The following COL8A1 variants were observed in gnomAD, a reference collection of about 807,000 sequenced individuals.
The protein encoded by COL8A1 is collagen type VIII alpha 1 chain.
In COL8A1, 21 loss-of-function variants were observed where a neutral mutation model predicts 42.7. That is an observed-to-expected ratio of 0.49 (90% CI 0.35 to 0.71). The LOEUF (loss-of-function observed/expected upper bound fraction) is 0.71. Ranked by LOEUF, COL8A1 falls within the 30% of genes least tolerant of loss-of-function variation. COL8A1 has a pLI of 0.01. For missense variants in COL8A1, 788 were observed against 962.4 expected (o/e 0.82, Z 2.40); for synonymous variants, 367 against 369.1 (o/e 0.99, Z 0.06).
intron 1 of COL8A1, among the ~76,000 whole-genome samples, chr3:99,709,179 C>T (rs1176855267): frequency 1.3e-5 from 2 of 152,168 alleles, no homozygotes; most frequent in Non-Finnish European, 2.9e-5. Flanking sequence ...CTCAAGGCAG[C>T]CTTCCCTGAC....
chr3:99,794,998 G>A lies in COL8A1; in HGVS notation c.1097G>A (p.Gly366Asp). The A allele has an allele frequency of 2.5e-6, 4 of 1,607,024 alleles. No homozygotes were observed. Among genetic ancestry groups the A allele is most frequent in the South Asian group, 2.2e-5 (2 of 90,334 alleles). Residue 366 changes from glycine (G) to aspartate (D), a missense_variant, in exon 4 of 4, where the codon GGT becomes GAT. Physicochemically the swap from Gly to Asp is moderately conservative, Grantham distance 94. Transcript: ENST00000652472. This position sits in a 1 kb window ranked among gnomAD's most constrained non-coding sequence, Gnocchi z 4.3. ...CCCAAAGGTGACCGGGGCATGGGAG[G>A]TGTTCCTGGGGCTCTTGGACCAAGA... ...PGPKGDRGMG[G>D]VPGALGPRGE...
chr3:99,655,007 T>C (rs1387720624), intron 1 of COL8A1, among the ~76,000 whole-genome samples: 1 of 152,170 alleles, frequency 6.6e-6, no homozygotes, highest in Non-Finnish European at 1.5e-5. Context: ...CCAAGCCCTG[T>C]GCTAGATGCC....
chr3:99,704,557 T>C (rs1939627118), intron 1 of COL8A1, among the ~76,000 whole-genome samples: 1 of 152,132 alleles, frequency 6.6e-6, no homozygotes, highest in African/African-American at 2.4e-5. Context: ...GTAGTTAATA[T>C]CAGGGTCGAA....
chr3:99,764,701 C>CTTTTTTTTTTTTTTTTTTT (rs10648559), intron 2 of COL8A1, among the ~76,000 whole-genome samples: 61 of 125,032 alleles, frequency 4.9e-4, no homozygotes, highest in Non-Finnish European at 5.8e-4. Flanking sequence ...TCTTTTTTTT[C>CTTTTTTTTTTTTTTTTTTT]TTTTTTTTTT....
intron 1 of COL8A1, among the ~76,000 whole-genome samples, chr3:99,682,838 CA>C (rs2107324689): frequency 6.9e-6 from 1 of 144,400 alleles, no homozygotes; most frequent in East Asian, 2.1e-4. Flanking sequence ...ATAACAACCA[CA>C]CAGCATTGTT....
intron 1 of COL8A1, among the ~76,000 whole-genome samples, chr3:99,662,546 G>C (rs572324665): frequency 6.6e-6 from 1 of 152,242 alleles, no homozygotes; most frequent in South Asian, 2.1e-4. Flanking sequence ...GGATATATTT[G>C]ATCTATCTTT....
intron 1 of COL8A1, among the ~76,000 whole-genome samples, chr3:99,694,664 T>A (rs556523106): frequency 3.3e-5 from 5 of 152,342 alleles, no homozygotes; most frequent in African/African-American, 1.2e-4. Flanking sequence ...TCAATTATCT[T>A]CCTCATTCTT....
intron 2 of COL8A1, among the ~76,000 whole-genome samples, chr3:99,770,965 G>A (rs560930309): frequency 2.6e-5 from 4 of 152,182 alleles, no homozygotes; most frequent in Non-Finnish European, 4.4e-5. Context: ...TGTCTGAGGG[G>A]ACAGCATTTC....
At chr3:99,711,621 C>T (rs1421914471) in intron 1 of COL8A1, among the ~76,000 whole-genome samples, 6 of 152,004 alleles carry the variant, frequency 3.9e-5, no homozygotes, top group Admixed American at 3.9e-4. Context: ...AGTGGGGCCT[C>T]GACTGATAAA....
chr3:99,724,675 C>A (rs1354004248), intron 1 of COL8A1, among the ~76,000 whole-genome samples: 1 of 152,054 alleles, frequency 6.6e-6, no homozygotes, highest in Non-Finnish European at 1.5e-5. Context: ...TAAGTCAATC[C>A]ACATTTCTTA....
chr3:99,782,847 T>A (rs954592937), intron 2 of COL8A1, among the ~76,000 whole-genome samples: 4 of 152,184 alleles, frequency 2.6e-5, no homozygotes, highest in African/African-American at 7.2e-5. Flanking sequence ...CTTACTTGGG[T>A]CCGAACTAAA....
At chr3:99,714,403 A>G (rs1395892788) in intron 1 of COL8A1, among the ~76,000 whole-genome samples, 1 of 152,118 alleles carries the variant, frequency 6.6e-6, no homozygotes, top group East Asian at 1.9e-4. Flanking sequence ...TATCCCATAA[A>G]GTTCCCAGAT....
At chr3:99,734,193 C>T (rs1014311079) in intron 1 of COL8A1, among the ~76,000 whole-genome samples, 8 of 146,120 alleles carry the variant, frequency 5.5e-5, no homozygotes, top group Admixed American at 3.3e-4. Flanking sequence ...GTTGCCATTG[C>T]TTTTGGTGTT....
In COL8A1 at chr3:99,763,294, T is replaced by A. The variant is rs370738053; in HGVS notation, c.-4+18273T>A. On this transcript the variant is annotated intron_variant, in intron 2 of 3. Coordinates refer to ENST00000652472, the MANE Select transcript of COL8A1 (RefSeq NM_020351.4). ...AGCTCATATTTCATTGTCATAAATTTCTTTAGAAGACAAAATAAGCAGAAG... is the reference window on the plus strand; with the variant it reads ...AGCTCATATTTCATTGTCATAAATTACTTTAGAAGACAAAATAAGCAGAAG... 1.7e-4 allele frequency among the ~76,000 whole-genome samples: 26 copies of A among 152,288 alleles called. No individual in the cohort carries two copies. The South Asian group carries it at 5.2e-3, about 30-fold the overall frequency.
intron 1 of COL8A1, among the ~76,000 whole-genome samples, chr3:99,651,330 T>G (rs1937840240): frequency 6.6e-6 from 1 of 152,220 alleles, no homozygotes; most frequent in Non-Finnish European, 1.5e-5. Context: ...CAAATTCAGC[T>G]CACAGATTTT....
At chr3:99,686,489 T>C (rs573128163) in intron 1 of COL8A1, among the ~76,000 whole-genome samples, 66 of 152,218 alleles carry the variant, frequency 4.3e-4, no homozygotes, top group Non-Finnish European at 8.4e-4. Flanking sequence ...AGAAATGCCT[T>C]CCTTATCCTA....
chr3:99,727,252 C>T (rs955704296), intron 1 of COL8A1, among the ~76,000 whole-genome samples: 2 of 151,818 alleles, frequency 1.3e-5, no homozygotes, highest in East Asian at 1.9e-4. Context: ...GTGATTTTTG[C>T]ACATTGATTT....
At chr3:99,654,517 T>C (rs1937950669) in intron 1 of COL8A1, among the ~76,000 whole-genome samples, 1 of 152,100 alleles carries the variant, frequency 6.6e-6, no homozygotes, top group Non-Finnish European at 1.5e-5. Flanking sequence ...TCTGGGAACA[T>C]TGGCTCACAC....
At chr3:99,777,980 T>C (rs1941725455) in intron 2 of COL8A1, among the ~76,000 whole-genome samples, 1 of 152,172 alleles carries the variant, frequency 6.6e-6, no homozygotes, top group South Asian at 2.1e-4. Context: ...GTCAATAATG[T>C]ATCCTTGGCT....
Sources: gnomAD v4.1 joint callset for allele counts (sites outside exome capture counted in the v4.1 genomes callset) on GRCh38, gnomAD v4.1.1 for gene constraint, Gnocchi (gnomAD v3.1) non-coding constraint, MANE v1.5 for transcripts, NCBI Gene and HGNC (gene_info 2026-07-23, HGNC 2026-07-21) for gene names.